The following RUFY1 variants were observed in gnomAD, a reference collection of about 807,000 sequenced individuals.
RUFY1 encodes the protein RUN and FYVE domain-containing protein 1.
RUFY1 carries 54 observed loss-of-function variants against 94.6 expected under a neutral mutation model. That is an observed-to-expected ratio of 0.57 (90% CI 0.46 to 0.72). The LOEUF (loss-of-function observed/expected upper bound fraction) is 0.72. RUFY1 is among the 30% of genes least tolerant of loss of function. The pLI is 0.00. For missense variants in RUFY1, 883 were observed against 883.9 expected, an observed-to-expected ratio of 1.00 and a Z score of 0.01; for synonymous variants, 396 against 347.3, an observed-to-expected ratio of 1.14 and a Z score of -1.56.
intron 17 of RUFY1, among the ~76,000 whole-genome samples, chr5:179,608,963 A>C (rs796535583): frequency 6.7e-6 from 1 of 149,208 alleles, no homozygotes; most frequent in African/African-American, 2.5e-5. Context: ...CACGCCTGTA[A>C]TCCCAACACT....
chr5:179,559,015 C>T (rs1037172925), intron 1 of RUFY1, among the ~76,000 whole-genome samples: 1 of 152,152 alleles, frequency 6.6e-6, no homozygotes, highest in African/African-American at 2.4e-5. Context: ...GTTATTTAAC[C>T]TCAGTAGTAA....
intron 3 of RUFY1, among the ~76,000 whole-genome samples, chr5:179,563,945 T>G (rs1439663500): frequency 6.6e-6 from 1 of 152,068 alleles, no homozygotes; most frequent in African/African-American, 2.4e-5. Flanking sequence ...GTGCTGGGAT[T>G]ACAGGCGTGA....
At chr5:179,593,819 G>A (rs1765306113) in intron 11 of RUFY1, among the ~76,000 whole-genome samples, 174 bp downstream of exon 11, 1 of 152,162 alleles carries the variant, frequency 6.6e-6, no homozygotes, top group Non-Finnish European at 1.5e-5. Flanking sequence ...GAAATGGGGG[G>A]AAATGTAAGT....
At chr5:179,608,195 G>T in intron 17 of RUFY1, 1 of 609,914 alleles carries the variant, frequency 1.6e-6, no homozygotes, top group Non-Finnish European at 2.1e-6. Context: ...GGGAAGAGTT[G>T]GGTATAAGCA....
Position 179,607,652 on chromosome 5 carries a change from G to A in RUFY1, c.1976G>A (p.Arg659Gln), listed in dbSNP as rs775554334. ...RQCEKEFSIS[R>Q]RKHHCRNCGH... ...TGTGAGAAGGAGTTCTCCATTTCCC[G>A]GAGAAAGGTACGTGGGGGCTCCACC... Residue 659 changes from arginine (R) to glutamine (Q), a missense_variant, in exon 17 of 18, where the codon CGG becomes CAG. Arg to Gln is a conservative substitution (Grantham distance 43, BLOSUM62 1). Coordinates refer to ENST00000319449, the MANE Select transcript of RUFY1 (RefSeq NM_025158.5). 5 of 1,613,948 alleles carry A rather than the reference G, an allele frequency of 3.1e-6. No individual in the cohort carries two copies. The highest frequency in any genetic ancestry group is 3.3e-5 in the Admixed American group (2 of 60,030).
chr5:179,605,961 CTTGT>C, intron 16 of RUFY1, 37 bp downstream of exon 16: 5 of 1,394,248 alleles, frequency 3.6e-6, no homozygotes, highest in Non-Finnish European at 5.1e-6. Context: ...TTGCTGTCAG[CTTGT>C]GCTGACTGCC....
intron 15 of RUFY1, among the ~76,000 whole-genome samples, chr5:179,604,228 TG>T (rs1442219791): frequency 3.3e-5 from 5 of 152,162 alleles, no homozygotes; most frequent in Admixed American, 2.6e-4. Context: ...CCTGAGGAGT[TG>T]CTTTTGTGCT....
At chr5:179,558,027 A>C (rs1762192275) in intron 1 of RUFY1, among the ~76,000 whole-genome samples, 1 of 152,226 alleles carries the variant, frequency 6.6e-6, no homozygotes, top group African/African-American at 2.4e-5. Flanking sequence ...AGTTCCTTAA[A>C]ACATCTGGGC....
intron 8 of RUFY1, among the ~76,000 whole-genome samples, chr5:179,587,639 A>T (rs2127549815): frequency 7.0e-6 from 1 of 142,218 alleles, no homozygotes; most frequent in South Asian, 2.2e-4. Flanking sequence ...TGACCTTGTG[A>T]TCTGCCCACC....
At chr5:179,551,482 T>G (rs72822578) in intron 1 of RUFY1, among the ~76,000 whole-genome samples, 1,904 of 152,218 alleles carry the variant, frequency 0.013, 17 homozygotes, top group East Asian at 0.032. Context: ...GTGTGTGTGT[T>G]TTTGTTTTTA....
intron 5 of RUFY1, among the ~76,000 whole-genome samples, chr5:179,576,669 C>T (rs568291122): frequency 3.9e-5 from 6 of 152,184 alleles, no homozygotes; most frequent in Non-Finnish European, 8.8e-5. Context: ...AATCCACCAG[C>T]CTCGGCCTCC....
At chr5:179,584,234 C>T (rs1453009209) in intron 7 of RUFY1, among the ~76,000 whole-genome samples, 1 of 151,960 alleles carries the variant, frequency 6.6e-6, no homozygotes, top group African/African-American at 2.4e-5. Flanking sequence ...GTTCATTAGC[C>T]TTGCTAAGTT....
chr5:179,598,523 T>G (rs1225118914), intron 13 of RUFY1, among the ~76,000 whole-genome samples, 169 bp from the exon 14 acceptor site: 3 of 152,172 alleles, frequency 2.0e-5, no homozygotes, highest in Non-Finnish European at 4.4e-5. Context: ...TCCTGCTCTT[T>G]CTTGTGGAAG....
intron 1 of RUFY1, among the ~76,000 whole-genome samples, chr5:179,554,494 G>A (rs527336539): frequency 1.2e-4 from 18 of 151,274 alleles, no homozygotes; most frequent in Admixed American, 7.2e-4. Flanking sequence ...CAAGATCGCC[G>A]CATTGCACTT....
chr5:179,592,413 CG>C (rs1765196210), intron 10 of RUFY1, among the ~76,000 whole-genome samples: 1 of 151,914 alleles, frequency 6.6e-6, no homozygotes, highest in African/African-American at 2.4e-5. Flanking sequence ...CCACCGTGCC[CG>C]GCCAGTTTTT....
chr5:179,587,385 T>TC lies in RUFY1; in HGVS notation c.1026+1520_1026+1521insC, dbSNP rs55679273. Among the ~76,000 whole-genome samples the TC allele has an allele frequency of 2.4e-3, 282 of 115,898 alleles. 1 individual carries two copies. Among genetic ancestry groups the TC allele is most frequent in the African/African-American group, 7.9e-3 (245 of 31,092 alleles). 76.0% of individuals were successfully genotyped at this position (115,898 alleles called of 152,430 possible). A position where few individuals can be genotyped will look rare whatever the true frequency, so the allele number is the denominator to read the frequency against. Reference sequence around the variant, plus strand: ...ATGTTTTCTTTTTTCTTTCTTTCTTTTTTTTTTTTTTTTGAGACAGAGTCT... The same window carrying TC: ...ATGTTTTCTTTTTTCTTTCTTTCTTTCTTTTTTTTTTTTTGAGACAGAGTCT... On this transcript the variant is annotated intron_variant, in intron 8 of 17. Transcript: ENST00000319449.
Position 179,557,861 on chromosome 5 carries a change from T to C in RUFY1, c.311-2164T>C, listed in dbSNP as rs114165499. ...AAAGGCTGGTCTTCATGTTTTTGAT[T>C]ACTTAATCATCAAGGGCGACACCAC... On this transcript the variant is annotated intron_variant, in intron 1 of 17. Transcript: ENST00000319449. Among the ~76,000 whole-genome samples the C allele has an allele frequency of 5.4e-3, 817 of 152,198 alleles. 11 individuals are homozygous for C. The highest frequency in any genetic ancestry group is 0.019 in the African/African-American group (786 of 41,544).
At chr5:179,580,251 T>A (rs1419784219) in intron 6 of RUFY1, among the ~76,000 whole-genome samples, 48 of 38,714 alleles carry the variant, frequency 1.2e-3, no homozygotes, top group East Asian at 5.2e-3. Context: ...GTATATTTTT[T>A]TTTTTTTTTG....
intron 6 of RUFY1, among the ~76,000 whole-genome samples, chr5:179,579,906 TG>T (rs1246433413): frequency 6.6e-6 from 1 of 151,658 alleles, no homozygotes; most frequent in East Asian, 1.9e-4. Flanking sequence ...TGGCCTCAGG[TG>T]ATCTGCCCAC....
Sources: gnomAD v4.1 joint callset for allele counts (sites outside exome capture counted in the v4.1 genomes callset) on GRCh38, gnomAD v4.1.1 for gene constraint, MANE v1.5 for transcripts, NCBI Gene and HGNC (gene_info 2026-07-23, HGNC 2026-07-21) for gene names.